Variants in HOXD13 observed in about 807,000 individuals in gnomAD.
The protein encoded by HOXD13 is homeobox D13.
HOXD13 carries 16 observed loss-of-function variants against 27.3 expected under a neutral mutation model. The observed-to-expected ratio is 0.59, with a 90% CI of 0.40 to 0.89. The LOEUF (loss-of-function observed/expected upper bound fraction) is 0.89, where lower values mean the gene tolerates loss of function less well. HOXD13 is among the 40% of genes least tolerant of loss of function. HOXD13 has a pLI of 0.00. For missense variants in HOXD13, 481 were observed against 482.6 expected (o/e 1.00, Z 0.03); for synonymous variants, 241 against 219.0 (o/e 1.10, Z -0.89).
At chr2:176,090,322 C>T (rs1689300728), upstream of HOXD13, among the ~76,000 whole-genome samples, 1 of 152,242 alleles carries the variant, frequency 6.6e-6, no homozygotes, top group African/African-American at 2.4e-5. Context: ...TTAGGATGGA[C>T]AGAGAAAACT....
At chr2:176,090,552 G>A (rs1689304488), upstream of HOXD13, among the ~76,000 whole-genome samples, 1 of 152,144 alleles carries the variant, frequency 6.6e-6, no homozygotes, top group South Asian at 2.1e-4. Flanking sequence ...ACACATAATT[G>A]ATCATTAAAA....
intron 1 of HOXD13, among the ~76,000 whole-genome samples, chr2:176,094,007 C>A (rs1405365528): frequency 1.3e-5 from 2 of 152,136 alleles, no homozygotes; most frequent in Non-Finnish European, 2.9e-5. Flanking sequence ...AGTTGGGTCC[C>A]CCCATTTTCA....
At chr2:176,094,432 G>A in intron 1 of HOXD13, 48 bp from the exon 2 acceptor site, 1 of 1,604,586 alleles carries the variant, frequency 6.2e-7, no homozygotes, top group Non-Finnish European at 8.5e-7. Flanking sequence ...TCAGCTAGGT[G>A]CTCCGAATAT....
At chr2:176,091,361 AC>A (rs1689316458), upstream of HOXD13, among the ~76,000 whole-genome samples, 1 of 152,034 alleles carries the variant, frequency 6.6e-6, no homozygotes, top group Non-Finnish European at 1.5e-5. Context: ...TCCCATATCC[AC>A]CCCCAGAACC....
chr2:176,094,801 G>C lies in HOXD13; in HGVS notation c.*71G>C, dbSNP rs1689388917. The C allele has an allele frequency of 7.3e-7, 1 of 1,375,794 alleles. No individual in the cohort carries two copies. Among genetic ancestry groups the C allele is most frequent in the Admixed American group, 1.7e-5 (1 of 59,350 alleles). The allele number at this position is 1,375,794 out of a possible 1,614,324, so 85.2% of individuals were successfully genotyped here. A position where few individuals can be genotyped will look rare whatever the true frequency, so the allele number is the denominator to read the frequency against. ...CTCCAAAAGGCCTTTGGAAAGACTTGAATATGTATTTAATTCCCCCCACCC... is the reference window on the plus strand; with the variant it reads ...CTCCAAAAGGCCTTTGGAAAGACTTCAATATGTATTTAATTCCCCCCACCC... On this transcript the variant is annotated 3_prime_UTR_variant, in exon 2 of 2. Transcript: ENST00000392539.
At chr2:176,092,593 G>T (rs1055710062), upstream of HOXD13, among the ~76,000 whole-genome samples, 2 of 152,132 alleles carry the variant, frequency 1.3e-5, no homozygotes, top group African/African-American at 4.8e-5. Context: ...CTACCCCCAC[G>T]TGGCCGCGCG....
Position 176,093,070 on chromosome 2 carries a change from G to GGCAGCGGCGGCT in HOXD13, c.183_194dup (p.Ala68_Ala71dup). ...CGCATTCGGGGCGGGCGGCGGCGGC[G>GGCAGCGGCGGCT]GCAGCGGCGGCTGCGGCGGCGGCGG... On this transcript the variant is annotated inframe_insertion, in exon 1 of 2. Transcript: ENST00000392539. 7.3e-7 allele frequency: 1 copy of GGCAGCGGCGGCT among 1,371,472 alleles called. No homozygotes were observed. The highest frequency in any genetic ancestry group is 9.4e-7 in the Non-Finnish European group (1 of 1,068,726). 85.0% of individuals were successfully genotyped at this position (1,371,472 alleles called of 1,614,324 possible). A position where few individuals can be genotyped will look rare whatever the true frequency, so the allele number is the denominator to read the frequency against.
At chr2:176,090,901 T>C (rs1689309659), upstream of HOXD13, among the ~76,000 whole-genome samples, 1 of 152,238 alleles carries the variant, frequency 6.6e-6, no homozygotes, top group South Asian at 2.1e-4. Flanking sequence ...GGTTGAACTT[T>C]CATTGCTGAC....
At chr2:176,089,455 C>T (rs940817706), upstream of HOXD13, among the ~76,000 whole-genome samples, 4 of 152,306 alleles carry the variant, frequency 2.6e-5, no homozygotes, top group East Asian at 5.8e-4. Context: ...AAGACAAGTG[C>T]TTTCAAAGGA....
In HOXD13 at chr2:176,093,284, G is replaced by A. The variant is rs747794993; in HGVS notation, c.394G>A (p.Gly132Ser). ...APALGYGYHF[G>S]NGYYSCRMSH... ...AGCGCTGGGCTACGGCTACCACTTC[G>A]GCAACGGCTACTACAGCTGCCGTAT... Residue 132 changes from glycine to serine, a missense_variant, in exon 1 of 2, where the codon GGC (glycine) becomes AGC (serine). Physicochemically the swap from Gly to Ser is moderately conservative, Grantham distance 56. Coordinates refer to ENST00000392539, the MANE Select transcript of HOXD13 (RefSeq NM_000523.4). The A allele has an allele frequency of 2.5e-6, 4 of 1,611,722 alleles. No individual in the cohort carries two copies. Among genetic ancestry groups the A allele is most frequent in the Non-Finnish European group, 1.7e-6 (2 of 1,179,622 alleles).
chr2:176,093,771 G>A lies in HOXD13; in HGVS notation c.781+100G>A, dbSNP rs527391478. 13 of 774,184 alleles carry A rather than the reference G, an allele frequency of 1.7e-5. No homozygotes were observed. In the South Asian group the frequency reaches 2.2e-4, roughly 13 times the overall value. The allele number at this position is 774,184 out of a possible 1,614,324, so 48.0% of individuals were successfully genotyped here. On this transcript the variant is annotated intron_variant, in intron 1 of 1. Coordinates refer to ENST00000392539, the MANE Select transcript of HOXD13 (RefSeq NM_000523.4). ...GCGCCCCTACTTGGGAGTGGGAGTT[G>A]TGCCTGTGCTCCACACGTGACCAGG...
upstream of HOXD13, among the ~76,000 whole-genome samples, chr2:176,092,570 C>T (rs1046113597): frequency 6.6e-5 from 10 of 152,030 alleles, no homozygotes; most frequent in African/African-American, 2.4e-4. Flanking sequence ...GGGAGCCAGG[C>T]TCCCCCGCGT....
chr2:176,089,729 G>A (rs1420804131), upstream of HOXD13, among the ~76,000 whole-genome samples: 2 of 152,228 alleles, frequency 1.3e-5, no homozygotes. Context: ...AGGAAGAGGA[G>A]CAAGTGATGG....
chr2:176,093,057 G>A lies in HOXD13; in HGVS notation c.167G>A (p.Arg56Gln), dbSNP rs1689347619. 10 of 1,369,912 alleles carry A rather than the reference G, an allele frequency of 7.3e-6. No individual in the cohort carries two copies. The East Asian group carries it at 3.0e-4, about 41-fold the overall frequency. 84.9% of individuals were successfully genotyped at this position (1,369,912 alleles called of 1,614,324 possible). ...GTGTTCGCCGGGACGCATTCGGGGC[G>A]GGCGGCGGCGGCGGCAGCGGCGGCT... is the stretch of plus-strand genomic sequence containing the variant. Reference protein sequence around the residue: ...APVFAGTHSGRAAAAAAAAAA... With the variant: ...APVFAGTHSGQAAAAAAAAAA... The change falls in exon 1 of 2, where the codon CGG becomes CAG. Residue 56 changes from arginine to glutamine, a missense_variant. Arg to Gln is a conservative substitution (Grantham distance 43). Coordinates refer to ENST00000392539, the MANE Select transcript of HOXD13 (RefSeq NM_000523.4).
chr2:176,089,140 A>C (rs1437105604), upstream of HOXD13, among the ~76,000 whole-genome samples: 1 of 152,250 alleles, frequency 6.6e-6, no homozygotes, highest in African/African-American at 2.4e-5. Flanking sequence ...GAAAGTACTC[A>C]AATGTGGCTT....
rs1017223163 is a variant in HOXD13, at chr2:176,094,845, T to A, written c.*115T>A. On this transcript the variant is annotated 3_prime_UTR_variant, in exon 2 of 2. Coordinates refer to ENST00000392539, the MANE Select transcript of HOXD13 (RefSeq NM_000523.4). ...CCCACCCCCTGCCAATGGTGGCAAA[T>A]TTTGTGAATTGTTTTTCTCTCTTCC... 36 of 894,612 alleles carry A rather than the reference T, an allele frequency of 4.0e-5. No homozygotes were observed. Among genetic ancestry groups the A allele is most frequent in the Non-Finnish European group, 5.5e-6 (3 of 547,578 alleles). The allele number at this position is 894,612 out of a possible 1,614,324, so 55.4% of individuals were successfully genotyped here.
intron 1 of HOXD13, among the ~76,000 whole-genome samples, chr2:176,093,977 T>C (rs1689373994): frequency 6.6e-6 from 1 of 152,192 alleles, no homozygotes; most frequent in Admixed American, 6.5e-5. Context: ...AAGAGAACTT[T>C]TTCCTAAGAA....
rs770799463 is a variant in HOXD13, at chr2:176,095,535, G to A, written c.*805G>A. 3 of 228,476 alleles carry A rather than the reference G, an allele frequency of 1.3e-5. No individual in the cohort carries two copies. Among genetic ancestry groups the A allele is most frequent in the Non-Finnish European group, 2.6e-5 (3 of 115,028 alleles). 14.2% of individuals were successfully genotyped at this position (228,476 alleles called of 1,614,324 possible). A position where few individuals can be genotyped will look rare whatever the true frequency, so the allele number is the denominator to read the frequency against. ...CAATCAGTAGAGTGACCCGCGGATG[G>A]CATAAATGCACCTCCTTTTCTTGGC... is the stretch of plus-strand genomic sequence containing the variant. On this transcript the variant is annotated 3_prime_UTR_variant, in exon 2 of 2. Transcript: ENST00000392539.
chr2:176,089,846 CAT>C (rs1192914320), upstream of HOXD13, among the ~76,000 whole-genome samples: 1 of 152,218 alleles, frequency 6.6e-6, no homozygotes, highest in Non-Finnish European at 1.5e-5. Flanking sequence ...CGTTTGGAGA[CAT>C]GTGTAGTCTC....
Sources: gnomAD v4.1 joint callset for allele counts (sites outside exome capture counted in the v4.1 genomes callset) on GRCh38, gnomAD v4.1.1 for gene constraint, MANE v1.5 for transcripts, NCBI Gene and HGNC (gene_info 2026-07-23, HGNC 2026-07-21) for gene names.